Variants in SH3RF1 observed in about 807,000 individuals in gnomAD.
SH3RF1 encodes the protein E3 ubiquitin-protein ligase SH3RF1.
In SH3RF1, 32 loss-of-function variants were observed where a neutral mutation model predicts 74.0. The observed-to-expected ratio is 0.43, with a 90% CI of 0.33 to 0.58. The LOEUF is 0.58. Among genes scored for constraint, SH3RF1 ranks in the 20% least tolerant of loss-of-function variants. SH3RF1 has a pLI of 0.05. For synonymous variants in SH3RF1, 396 were observed against 439.6 expected, an observed-to-expected ratio of 0.90 and a Z score of 1.24; for missense variants, 954 against 1,130.9, an observed-to-expected ratio of 0.84 and a Z score of 2.24.
intron 4 of SH3RF1, among the ~76,000 whole-genome samples, chr4:169,140,800 G>C (rs1177223277): frequency 6.6e-6 from 1 of 152,086 alleles, no homozygotes; most frequent in Non-Finnish European, 1.5e-5. Context: ...CTTTACAGAT[G>C]AATCAGTCTG....
chr4:169,129,164 T>C (rs746894398), intron 6 of SH3RF1, among the ~76,000 whole-genome samples: 1 of 152,116 alleles, frequency 6.6e-6, no homozygotes, highest in Non-Finnish European at 1.5e-5. Flanking sequence ...GGTGATGCAA[T>C]TGGTGTAGGT....
intron 2 of SH3RF1, among the ~76,000 whole-genome samples, chr4:169,185,737 C>T (rs1386405705): frequency 6.6e-6 from 1 of 152,118 alleles, no homozygotes; most frequent in Non-Finnish European, 1.5e-5. Context: ...ACTCCCCAGT[C>T]TTCAGAAGAG....
chr4:169,106,491 T>TAAA (rs201979539), intron 11 of SH3RF1, among the ~76,000 whole-genome samples: 1 of 141,788 alleles, frequency 7.1e-6, no homozygotes, highest in Non-Finnish European at 1.6e-5. Context: ...GGCAAAAAAT[T>TAAA]AAAAAAAAAA....
chr4:169,234,671 C>T (rs558470052), intron 2 of SH3RF1, among the ~76,000 whole-genome samples: 17 of 152,342 alleles, frequency 1.1e-4, no homozygotes, highest in Admixed American at 5.2e-4. Flanking sequence ...CACCCTCATA[C>T]CATTTCCAAT....
chr4:169,130,300 T>G (rs1314821138), intron 5 of SH3RF1, 144 bp from the exon 6 acceptor site: 16 of 612,012 alleles, frequency 2.6e-5, no homozygotes, highest in Non-Finnish European at 3.8e-5. Context: ...CCTTTTAGTC[T>G]GCTCAACCCA....
intron 2 of SH3RF1, among the ~76,000 whole-genome samples, chr4:169,160,534 A>C (rs1734134220): frequency 6.6e-6 from 1 of 152,230 alleles, no homozygotes; most frequent in East Asian, 1.9e-4. Context: ...TTGACTGCTA[A>C]AATTGTTTCA....
At chr4:169,133,763 A>G (rs1276943614) in intron 5 of SH3RF1, among the ~76,000 whole-genome samples, 1 of 152,192 alleles carries the variant, frequency 6.6e-6, no homozygotes, top group African/African-American at 2.4e-5. Flanking sequence ...TGACAGAGTG[A>G]GACTCCATCT....
chr4:169,210,626 T>G (rs1579139835), intron 2 of SH3RF1, among the ~76,000 whole-genome samples: 4 of 152,348 alleles, frequency 2.6e-5, no homozygotes, highest in East Asian at 1.9e-4. Flanking sequence ...TCCTTACATA[T>G]TTTAGGTTCT....
At chr4:169,167,338 G>A (rs979582161) in intron 2 of SH3RF1, among the ~76,000 whole-genome samples, 32 of 152,062 alleles carry the variant, frequency 2.1e-4, no homozygotes, top group African/African-American at 7.5e-4. Context: ...AAAAAATGTG[G>A]AGCAACTAGA....
intron 2 of SH3RF1, among the ~76,000 whole-genome samples, chr4:169,250,545 C>G (rs1268778028): frequency 6.6e-6 from 1 of 152,134 alleles, no homozygotes; most frequent in African/African-American, 2.4e-5. Context: ...CAAGTATAAC[C>G]ATTCACTGAT....
At chr4:169,174,054 T>C (rs1361754611) in intron 2 of SH3RF1, among the ~76,000 whole-genome samples, 1 of 151,950 alleles carries the variant, frequency 6.6e-6, no homozygotes, top group African/African-American at 2.4e-5. Flanking sequence ...CCCATCCTGA[T>C]AACACAATAA....
chr4:169,112,420 G>C (rs1240088256), intron 10 of SH3RF1, among the ~76,000 whole-genome samples: 1 of 152,192 alleles, frequency 6.6e-6, no homozygotes, highest in Non-Finnish European at 1.5e-5. Flanking sequence ...AAAAGAGGCT[G>C]ATGATAGTCA....
intron 2 of SH3RF1, among the ~76,000 whole-genome samples, chr4:169,209,186 G>A (rs1354183340): frequency 6.6e-6 from 1 of 151,952 alleles, no homozygotes; most frequent in Non-Finnish European, 1.5e-5. Flanking sequence ...CTACTCAGGA[G>A]GATGAGGCAG....
chr4:169,180,813 C>T (rs1394197389), intron 2 of SH3RF1, among the ~76,000 whole-genome samples: 1 of 152,140 alleles, frequency 6.6e-6, no homozygotes, highest in African/African-American at 2.4e-5. Context: ...AGTAAACCCA[C>T]CACTTTTAGA....
At chr4:169,115,954 C>T (rs952887885) in intron 10 of SH3RF1, among the ~76,000 whole-genome samples, 6 of 152,188 alleles carry the variant, frequency 3.9e-5, no homozygotes, top group African/African-American at 9.7e-5. Context: ...AATTCCTCCA[C>T]GAGACTGTAA....
chr4:169,258,284 A>G (rs1232774250), intron 2 of SH3RF1, among the ~76,000 whole-genome samples: 1 of 152,190 alleles, frequency 6.6e-6, no homozygotes, highest in Non-Finnish European at 1.5e-5. Context: ...GAGACCCAGT[A>G]CTTTTCTGCT....
At chr4:169,236,415 C>T (rs1195722561) in intron 2 of SH3RF1, among the ~76,000 whole-genome samples, 1 of 152,156 alleles carries the variant, frequency 6.6e-6, no homozygotes, top group African/African-American at 2.4e-5. Flanking sequence ...ACAACGTATA[C>T]CTTGAGTGAG....
intron 2 of SH3RF1, among the ~76,000 whole-genome samples, chr4:169,225,357 A>G (rs1391255054): frequency 1.3e-5 from 2 of 152,194 alleles, no homozygotes; most frequent in Non-Finnish European, 2.9e-5. Flanking sequence ...GCTGGAGGCA[A>G]TTGTTTGGGA....
intron 2 of SH3RF1, among the ~76,000 whole-genome samples, chr4:169,174,937 T>G (rs1168391235): frequency 1.3e-5 from 2 of 152,134 alleles, no homozygotes; most frequent in African/African-American, 4.8e-5. Context: ...ACATCTCCTG[T>G]TGAATATCTA....
Sources: gnomAD v4.1 joint callset for allele counts (sites outside exome capture counted in the v4.1 genomes callset) on GRCh38, gnomAD v4.1.1 for gene constraint, MANE v1.5 for transcripts, NCBI Gene and HGNC (gene_info 2026-07-23, HGNC 2026-07-21) for gene names.